Variants in ALMS1 observed in about 807,000 individuals in gnomAD.
ALMS1 encodes the protein ALMS1 centrosome and basal body associated protein, also known as centrosome-associated protein ALMS1.
In ALMS1, 271 loss-of-function variants were observed where a neutral mutation model predicts 352.2. The observed-to-expected ratio is 0.77, with a 90% CI of 0.70 to 0.85. The LOEUF (loss-of-function observed/expected upper bound fraction) is 0.85, where lower values mean the gene tolerates loss of function less well. Among genes scored for constraint, ALMS1 ranks in the 40% least tolerant of loss-of-function variants. The probability of loss-of-function intolerance (pLI) is 0.00; values close to 1 mark genes in which losing one functional copy is unlikely to be tolerated. For synonymous variants in ALMS1, 1,865 were observed against 1,761.2 expected, an observed-to-expected ratio of 1.06 and a Z score of -1.48; for missense variants, 5,445 against 4,870.7, an observed-to-expected ratio of 1.12 and a Z score of -3.51.
At position 73,448,289 on chromosome 2, in the gene ALMS1, G is replaced by A. The variant is rs1367898096; in HGVS notation, c.1762G>A (p.Gly588Ser). The A allele has an allele frequency of 2.5e-6, 4 of 1,613,744 alleles. No homozygotes were observed. The African/African-American group carries it at 4.0e-5, about 16-fold the overall frequency. The change falls in exon 8 of 23, where the codon GGC (glycine) becomes AGC (serine). Residue 588 changes from glycine (G) to serine (S), a missense_variant. Physicochemically the swap from Gly to Ser is moderately conservative, Grantham distance 56. Transcript: ENST00000613296. Reference sequence around the variant, plus strand: ...GAAGCCCAGCATTTTCTACCAGCAGGGCTTGCCAGACAGTCATCTAACTGA... The same window carrying A: ...GAAGCCCAGCATTTTCTACCAGCAGAGCTTGCCAGACAGTCATCTAACTGA... ...RGKPSIFYQQ[G>S]LPDSHLTEEA...
intron 10 of ALMS1, among the ~76,000 whole-genome samples, chr2:73,497,693 A>G (rs917405741): frequency 7.2e-5 from 11 of 152,220 alleles, no homozygotes; most frequent in Admixed American, 2.6e-4. Context: ...CTCCAGCTCC[A>G]TCAAAGTTAC....
chr2:73,468,093 TAAAAG>T (rs1672394462), intron 9 of ALMS1, among the ~76,000 whole-genome samples: 1 of 151,962 alleles, frequency 6.6e-6, no homozygotes, highest in South Asian at 2.1e-4. Flanking sequence ...ATATATTAAT[TAAAAG>T]GAAACATTGA....
intron 15 of ALMS1, among the ~76,000 whole-genome samples, 180 bp downstream of exon 15, chr2:73,559,322 A>G (rs997645606): frequency 6.6e-6 from 1 of 151,698 alleles, no homozygotes; most frequent in South Asian, 2.1e-4. Context: ...TACTATATAT[A>G]TATATAGATT....
At chr2:73,454,223 A>G (rs1219689950) in intron 8 of ALMS1, 156 bp downstream of exon 8, 2 of 905,150 alleles carry the variant, frequency 2.2e-6, no homozygotes, top group Non-Finnish European at 1.3e-6. Context: ...GTATTTTCCA[A>G]TAGAATTGTT....
At position 73,453,614 on chromosome 2, in the gene ALMS1, C is replaced by CT; in HGVS notation, c.7088dup (p.Gln2364ThrfsTer16). 1 of 1,613,956 alleles carries CT rather than the reference C, an allele frequency of 6.2e-7. No individual in the cohort carries two copies. The highest frequency in any genetic ancestry group is 8.5e-7 in the Non-Finnish European group (1 of 1,180,002). ...TAGTTCAACTACAGTTAGAAGTCCT[C>CT]TACAGGAAGCAGAGAGCAAAGTCAG... On this transcript the variant is annotated frameshift_variant, in exon 8 of 23. Coordinates refer to ENST00000613296, the MANE Select transcript of ALMS1 (RefSeq NM_001378454.1). LOFTEE classifies it high-confidence loss of function.
At chr2:73,515,113 G>A (rs1673528896) in intron 10 of ALMS1, among the ~76,000 whole-genome samples, 1 of 152,102 alleles carries the variant, frequency 6.6e-6, no homozygotes, top group African/African-American at 2.4e-5. Flanking sequence ...CTCTTATGCT[G>A]TCATCCGTTC....
chr2:73,608,974 A>G (rs1397520949), intron 22 of ALMS1, among the ~76,000 whole-genome samples: 1 of 152,226 alleles, frequency 6.6e-6, no homozygotes, highest in Non-Finnish European at 1.5e-5. Context: ...CTGCGGCATA[A>G]GAGTTGTCCA....
intron 1 of ALMS1, among the ~76,000 whole-genome samples, chr2:73,402,025 G>A (rs1016085084): frequency 1.4e-5 from 2 of 140,482 alleles, no homozygotes; most frequent in African/African-American, 6.0e-5. Flanking sequence ...GTGTATGTGT[G>A]TGTGTGTTAT....
chr2:73,497,385 T>C (rs1179521184), intron 10 of ALMS1, among the ~76,000 whole-genome samples: 1 of 152,116 alleles, frequency 6.6e-6, no homozygotes, highest in African/African-American at 2.4e-5. Context: ...GAGATTTTAG[T>C]GCACCCATCA....
At position 73,449,542 on chromosome 2, in the gene ALMS1, TAGAG is replaced by T; in HGVS notation, c.3019_3022del (p.Glu1007SerfsTer20). 1 of 1,613,806 alleles carries T rather than the reference TAGAG, an allele frequency of 6.2e-7. No homozygotes were observed. Among genetic ancestry groups the T allele is most frequent in the South Asian group, 1.1e-5 (1 of 91,064 alleles). ...CAGTACCTTCAGGTTCCTTCTCACA[TAGAG>T]AGAAGCCCAGTATTTTCTATCAACA... On this transcript the variant is annotated frameshift_variant, in exon 8 of 23. Transcript: ENST00000613296. LOFTEE classifies it high-confidence loss of function.
chr2:73,424,345 T>C, intron 4 of ALMS1, 85 bp from the exon 5 acceptor site: 3 of 846,022 alleles, frequency 3.5e-6, no homozygotes, highest in Non-Finnish European at 5.2e-6. Context: ...TTGATTTCAG[T>C]GACATATGTA....
rs1671885251 is a variant in ALMS1, at chr2:73,449,649, A to G, written c.3122A>G (p.Glu1041Gly). Residue 1041 changes from glutamate (E) to glycine (G), a missense_variant, in exon 8 of 23, where the codon GAG (glutamate) becomes GGG (glycine). Coordinates refer to ENST00000613296, the MANE Select transcript of ALMS1 (RefSeq NM_001378454.1). ...TGPGPADQKT[E>G]IPAVQSSSYP... ...CCTGGACCAGCTGACCAGAAGACTG[A>G]GATACCAGCAGTACAGTCTAGTTCT... The G allele has an allele frequency of 7.4e-6, 12 of 1,613,668 alleles. No individual in the cohort carries two copies. The highest frequency in any genetic ancestry group is 9.3e-6 in the Non-Finnish European group (11 of 1,179,872).
chr2:73,518,087 G>GTTT (rs59981832), intron 10 of ALMS1, among the ~76,000 whole-genome samples: 1 of 143,282 alleles, frequency 7.0e-6, no homozygotes. Context: ...GTACCCAGTA[G>GTTT]TTTTTTTTTT....
chr2:73,520,043 T>C, intron 11 of ALMS1, 27 bp downstream of exon 11: 1 of 1,613,954 alleles, frequency 6.2e-7, no homozygotes, highest in South Asian at 1.1e-5. Context: ...GCATTTTAGA[T>C]TGTTAGACCA....
At chr2:73,529,490 G>A (rs1015484811) in intron 11 of ALMS1, among the ~76,000 whole-genome samples, 1 of 152,156 alleles carries the variant, frequency 6.6e-6, no homozygotes. Context: ...TGGTGTCTGA[G>A]CATTGAAGAA....
chr2:73,420,372 C>T (rs189331434), intron 3 of ALMS1, among the ~76,000 whole-genome samples: 1 of 152,178 alleles, frequency 6.6e-6, no homozygotes, highest in African/African-American at 2.4e-5. Context: ...TTGTACTGTC[C>T]ATCTGCTGAG....
intron 10 of ALMS1, among the ~76,000 whole-genome samples, chr2:73,509,044 C>T (rs185568058): frequency 3.3e-5 from 5 of 151,910 alleles, no homozygotes; most frequent in African/African-American, 1.2e-4. Flanking sequence ...GGATTTCAAC[C>T]CCTGTTTTTT....
chr2:73,584,137 A>G (rs1035951864), intron 16 of ALMS1, among the ~76,000 whole-genome samples: 1 of 152,138 alleles, frequency 6.6e-6, no homozygotes, highest in Non-Finnish European at 1.5e-5. Context: ...GAAACTATCT[A>G]TTGGCTCTAT....
chr2:73,573,926 A>T (rs867083789), intron 16 of ALMS1, among the ~76,000 whole-genome samples: 3 of 152,028 alleles, frequency 2.0e-5, no homozygotes, highest in Non-Finnish European at 2.9e-5. Context: ...ATGATTTTTT[A>T]AAAATGAGTA....
Sources: allele counts gnomAD v4.1 joint callset (sites outside exome capture counted in the v4.1 genomes callset), GRCh38; gene constraint gnomAD v4.1.1; transcripts MANE v1.5; gene names NCBI Gene and HGNC (gene_info 2026-07-23, HGNC 2026-07-21).